The following CCNY variants were observed in gnomAD, a reference collection of about 807,000 sequenced individuals.
CCNY encodes cyclin Y, also known as cyclin-Y.
CCNY carries 19 observed loss-of-function variants against 42.8 expected under a neutral mutation model. The ratio of observed to expected loss-of-function variants is 0.44; its 90% CI spans 0.31 to 0.65. The LOEUF (loss-of-function observed/expected upper bound fraction) is 0.65. Ranked by LOEUF, CCNY falls within the 30% of genes least tolerant of loss-of-function variation. The probability of loss-of-function intolerance (pLI) is 0.07; values close to 1 mark genes in which losing one functional copy is unlikely to be tolerated. For synonymous variants in CCNY, 165 were observed against 162.7 expected (o/e 1.01, Z -0.11); for missense variants, 370 against 437.3 (o/e 0.85, Z 1.37).
chr10:35,325,510 G>A (rs1392310036), intron 3 of CCNY, among the ~76,000 whole-genome samples: 9 of 134,902 alleles, frequency 6.7e-5, no homozygotes, highest in Non-Finnish European at 4.6e-5. Context: ...ACAGAGTTTC[G>A]CTCTTGTTGC....
chr10:35,482,158 G>A (rs1295542145), intron 1 of CCNY, among the ~76,000 whole-genome samples: 1 of 152,218 alleles, frequency 6.6e-6, no homozygotes, highest in Non-Finnish European at 1.5e-5. Context: ...AAATCTCTTT[G>A]TGGATAAGTG....
intron 1 of CCNY, among the ~76,000 whole-genome samples, chr10:35,475,689 A>G (rs539705158): frequency 1.3e-4 from 20 of 149,860 alleles, no homozygotes; most frequent in East Asian, 1.2e-3. Flanking sequence ...AAATCATGCC[A>G]AAATGTAAAG....
At chr10:35,542,770 T>G (rs1252986664) in intron 7 of CCNY, among the ~76,000 whole-genome samples, 2 of 152,218 alleles carry the variant, frequency 1.3e-5, no homozygotes, top group African/African-American at 2.4e-5. Context: ...AAGACTTCCT[T>G]TATGGGTCAC....
At chr10:35,431,508 A>G (rs1255847205) in intron 1 of CCNY, among the ~76,000 whole-genome samples, 7 of 147,384 alleles carry the variant, frequency 4.7e-5, no homozygotes, top group Non-Finnish European at 7.5e-5. Context: ...GTGGTGGGGG[A>G]GAGAGAGAGA....
intron 1 of CCNY, among the ~76,000 whole-genome samples, chr10:35,420,908 G>A (rs933028406): frequency 6.6e-6 from 1 of 152,206 alleles, no homozygotes; most frequent in Non-Finnish European, 1.5e-5. Flanking sequence ...AGTGAAAAAT[G>A]TATTGTTGTT....
intron 4 of CCNY, among the ~76,000 whole-genome samples, chr10:35,517,273 A>T (rs1439441706): frequency 6.6e-6 from 1 of 152,180 alleles, no homozygotes; most frequent in Non-Finnish European, 1.5e-5. Flanking sequence ...CCGTACTTTA[A>T]AGAGGGAGGG....
At chr10:35,474,026 A>G (rs914770957) in intron 1 of CCNY, among the ~76,000 whole-genome samples, 5 of 152,216 alleles carry the variant, frequency 3.3e-5, no homozygotes, top group African/African-American at 1.2e-4. Flanking sequence ...AATCAAAGAA[A>G]GGGGTGACGG....
intron 1 of CCNY, among the ~76,000 whole-genome samples, chr10:35,431,103 G>A (rs1211561049): frequency 1.4e-5 from 2 of 148,064 alleles, no homozygotes; most frequent in African/African-American, 5.0e-5. Flanking sequence ...GTGACAGAAT[G>A]AGACTCCATC....
intron 1 of CCNY, among the ~76,000 whole-genome samples, chr10:35,374,543 CA>C (rs1178497777): frequency 3.3e-5 from 5 of 152,158 alleles, no homozygotes; most frequent in Non-Finnish European, 7.3e-5. Context: ...GGACAAACAA[CA>C]CTTTCAACCA....
rs529816386 is a variant in CCNY, at chr10:35,278,904, CTCTT to C, written c.-9+28280_-9+28283del. ...CCTTCTGCCTCCAGCTGCCCTCTCT[CTCTT>C]TTCTATTTCATTAGTTCTTCTCTAT... On this transcript the variant is annotated intron_variant, in intron 3 of 11. Coordinates refer to the CCNY transcript ENST00000374706. Among the ~76,000 whole-genome samples the C allele has an allele frequency of 2.6e-5, 4 of 152,296 alleles. No homozygotes were observed. In the South Asian group the frequency reaches 8.3e-4, roughly 32 times the overall value.
At chr10:35,431,025 G>A (rs1838382263) in intron 1 of CCNY, among the ~76,000 whole-genome samples, 1 of 151,648 alleles carries the variant, frequency 6.6e-6, no homozygotes, top group Non-Finnish European at 1.5e-5. Flanking sequence ...GCTGAGGTAG[G>A]AGAATCGCTT....
intron 3 of CCNY, among the ~76,000 whole-genome samples, chr10:35,323,390 T>C (rs1168376310): frequency 6.6e-6 from 1 of 152,194 alleles, no homozygotes; most frequent in Non-Finnish European, 1.5e-5. Flanking sequence ...TAAATGTCCA[T>C]CAACATTTGT....
At chr10:35,465,938 A>AGAGTGTGT in intron 1 of CCNY, among the ~76,000 whole-genome samples, 197 of 80,952 alleles carry the variant, frequency 2.4e-3, no homozygotes, top group East Asian at 0.011. Flanking sequence ...AGAGAGAGAG[A>AGAGTGTGT]GTGTGTGTGT....
intron 7 of CCNY, among the ~76,000 whole-genome samples, chr10:35,551,958 A>G (rs1251754160): frequency 2.6e-5 from 4 of 152,182 alleles, no homozygotes; most frequent in Non-Finnish European, 5.9e-5. Flanking sequence ...GGAAAATGAT[A>G]TGGCAGCTCC....
At chr10:35,438,755 A>G (rs565053709) in intron 1 of CCNY, among the ~76,000 whole-genome samples, 1 of 152,124 alleles carries the variant, frequency 6.6e-6, no homozygotes, top group Admixed American at 6.5e-5. Flanking sequence ...GTTTTTACAC[A>G]CCCTCTTCTT....
intron 1 of CCNY, among the ~76,000 whole-genome samples, chr10:35,418,246 T>C (rs1838069326): frequency 6.6e-6 from 1 of 152,134 alleles, no homozygotes; most frequent in Admixed American, 6.5e-5. Context: ...GAGAGTTTAG[T>C]GAGCTTTTTC....
At chr10:35,385,991 C>T (rs1157271190) in intron 1 of CCNY, among the ~76,000 whole-genome samples, 1 of 152,044 alleles carries the variant, frequency 6.6e-6, no homozygotes, top group Non-Finnish European at 1.5e-5. Flanking sequence ...GTGTCTTGCT[C>T]CTTTGTCTTT....
At chr10:35,412,239 A>G (rs1348337231) in intron 1 of CCNY, among the ~76,000 whole-genome samples, 1 of 152,234 alleles carries the variant, frequency 6.6e-6, no homozygotes, top group African/African-American at 2.4e-5. Context: ...GGGAGTGGGC[A>G]GTTGGAAACA....
intron 2 of CCNY, among the ~76,000 whole-genome samples, chr10:35,490,132 G>A (rs926721584): frequency 6.6e-6 from 1 of 152,150 alleles, no homozygotes; most frequent in Non-Finnish European, 1.5e-5. Context: ...AATATATGTT[G>A]AATGGAGGAA....
Sources: allele counts gnomAD v4.1 joint callset (sites outside exome capture counted in the v4.1 genomes callset), GRCh38; gene constraint gnomAD v4.1.1; transcripts MANE v1.5; gene names NCBI Gene and HGNC (gene_info 2026-07-23, HGNC 2026-07-21).